PTPN6: variants seen among roughly 807,000 people sequenced by gnomAD.
PTPN6 encodes tyrosine-protein phosphatase non-receptor type 6.
Under a neutral mutation model 81.5 loss-of-function variants are expected in PTPN6, and 18 were observed. That is an observed-to-expected ratio of 0.22 (90% confidence interval 0.15 to 0.33). PTPN6 has a LOEUF of 0.33. Ranked by LOEUF, PTPN6 falls within the 10% of genes least tolerant of loss-of-function variation. PTPN6 has a pLI of 1.00. For missense variants in PTPN6, 500 were observed against 794.2 expected, an observed-to-expected ratio of 0.63 and a Z score of 4.45; for synonymous variants, 301 against 310.9, an observed-to-expected ratio of 0.97 and a Z score of 0.33.
rs1322725551 is a variant in PTPN6 at position 6,952,435 on chromosome 12, C to T, written c.326+258C>T. ...CTCGCCCTACTCCGGGAGCCCTGGC[C>T]GCTGCAACCCAGGTCCCACTGGAGA... On this transcript the variant is annotated intron_variant, in intron 3 of 15. Transcript: ENST00000318974. This position sits in a 1 kb window ranked among gnomAD's most constrained non-coding sequence, Gnocchi z 8.1. 2.7e-5 allele frequency: 15 copies of T among 557,484 alleles called. No homozygotes were observed. The highest frequency in any genetic ancestry group is 3.1e-5 in the Admixed American group (1 of 32,440). The allele number at this position is 557,484 out of a possible 1,614,324, so 34.5% of individuals were successfully genotyped here. A position where few individuals can be genotyped will look rare whatever the true frequency, so the allele number is the denominator to read the frequency against.
Position 6,954,027 on chromosome 12 carries a change from T to C in PTPN6, c.327-778T>C, listed in dbSNP as rs1945976607. Among the ~76,000 whole-genome samples, 3 of 152,208 alleles carry C rather than the reference T, an allele frequency of 2.0e-5. No individual in the cohort carries two copies. The highest frequency in any genetic ancestry group is 7.2e-5 in the African/African-American group (3 of 41,456). ...CGTGGTTTCCTGTGGGGCTGGGCTT[T>C]GTGGGGCTACAGTTTCCTCCTGGGA... On this transcript the variant is annotated intron_variant, in intron 3 of 15. Coordinates refer to ENST00000318974, the MANE Select transcript of PTPN6 (RefSeq NM_002831.6). The surrounding 1 kb of genome is among the most constrained non-coding windows in gnomAD (Gnocchi z 5.4).
upstream of PTPN6, among the ~76,000 whole-genome samples, chr12:6,948,832 C>A (rs926542255): frequency 1.3e-5 from 2 of 151,384 alleles, no homozygotes; most frequent in African/African-American, 2.4e-5. Flanking sequence ...TGAGTCCCAG[C>A]TACTAGGGAG....
Position 6,959,955 on chromosome 12 carries a change from A to G in PTPN6, c.1390A>G (p.Ile464Val). The change falls in exon 12 of 16, where the codon ATT (isoleucine) becomes GTT (valine). Residue 464 changes from isoleucine to valine, a missense_variant. Around this residue, in one of 6 missense-constraint regions of PTPN6, gnomAD observed 226 missense variants for 364.4 expected, o/e 0.62. Transcript: ENST00000318974. This position sits in a 1 kb window ranked among gnomAD's most constrained non-coding sequence, Gnocchi z 6.6. ...CGGCATCGGCCGCACAGGCACCATC[A>G]TTGTCATCGACATGCTCATGGAGAA... ...SAGIGRTGTI[I>V]VIDMLMENIS... is the part of the protein sequence containing the mutation. 6.8e-7 allele frequency: 1 copy of G among 1,465,140 alleles called. No homozygotes were observed. The highest frequency in any genetic ancestry group is 9.2e-7 in the Non-Finnish European group (1 of 1,091,198). The allele number at this position is 1,465,140 out of a possible 1,614,324, so 90.8% of individuals were successfully genotyped here.
At chr12:6,946,676 G>A, upstream of PTPN6, 1 of 1,547,482 alleles carries the variant, frequency 6.5e-7, no homozygotes, top group Non-Finnish European at 8.9e-7. Context: ...CGCTGGCTCA[G>A]CCCCGCCCCC....
At position 6,951,381 on chromosome 12, in the gene PTPN6, G is replaced by C. The variant is rs1348892976; in HGVS notation, c.-132G>C. The C allele has an allele frequency of 7.1e-6, 11 of 1,545,658 alleles. No individual in the cohort carries two copies. The highest frequency in any genetic ancestry group is 9.6e-6 in the Non-Finnish European group (11 of 1,146,174). ...AGTGGAGTGGCAGCCCCAGAACTGGGACCACCGGGGGTGGTGAGGCGGCCC... is the reference window on the plus strand; with the variant it reads ...AGTGGAGTGGCAGCCCCAGAACTGGCACCACCGGGGGTGGTGAGGCGGCCC... On this transcript the variant is annotated 5_prime_UTR_variant, in exon 1 of 16. Transcript: ENST00000318974. The surrounding 1 kb of genome is among the most constrained non-coding windows in gnomAD (Gnocchi z 7.2).
upstream of PTPN6, among the ~76,000 whole-genome samples, chr12:6,951,076 C>T (rs1398180620): frequency 5.3e-5 from 8 of 152,132 alleles, no homozygotes; most frequent in Middle Eastern, 3.2e-3. The surrounding 1 kb of genome is among the most constrained non-coding windows in gnomAD (Gnocchi z 7.2). Context: ...GGAGAGATGC[C>T]GTGGGACCGT....
At position 6,960,036 on chromosome 12, in the gene PTPN6, C is replaced by T. The variant is rs376631253; in HGVS notation, c.1429+42C>T. 1.9e-6 allele frequency: 3 copies of T among 1,612,356 alleles called. No individual in the cohort carries two copies. Among genetic ancestry groups the T allele is most frequent in the African/African-American group, 1.3e-5 (1 of 74,894 alleles). ...GGTTTGGGGGTGGGGGGTGAGCAGCCCCTCGGTGTCCGCCTATGCCTGGAC... is the reference window on the plus strand; with the variant it reads ...GGTTTGGGGGTGGGGGGTGAGCAGCTCCTCGGTGTCCGCCTATGCCTGGAC... On this transcript the variant is annotated intron_variant, in intron 12 of 15. Transcript: ENST00000318974. This position sits in a 1 kb window ranked among gnomAD's most constrained non-coding sequence, Gnocchi z 6.1.
chr12:6,959,760 TG>T lies in PTPN6; in HGVS notation c.1362-164del. The T allele has an allele frequency of 1.4e-6, 1 of 736,998 alleles. No homozygotes were observed. Among genetic ancestry groups the T allele is most frequent in the Non-Finnish European group, 2.3e-6 (1 of 426,644 alleles). 45.7% of individuals were successfully genotyped at this position (736,998 alleles called of 1,614,324 possible). On this transcript the variant is annotated intron_variant, in intron 11 of 15. Transcript: ENST00000318974. This position sits in a 1 kb window ranked among gnomAD's most constrained non-coding sequence, Gnocchi z 6.6. ...GAGGTGGAGCGTGTCCATGCAGAGC[TG>T]GGCAAACCTCCATCATCACTTGCCC...
At chr12:6,946,587 C>A, upstream of PTPN6, 4 of 726,430 alleles carry the variant, frequency 5.5e-6, no homozygotes, top group Non-Finnish European at 7.4e-6. Flanking sequence ...ATTGGCCTGG[C>A]AGGCAGGATC....
rs1324578173 is a variant in PTPN6, at chr12:6,959,915, G to A, written c.1362-12G>A. On this transcript the variant is annotated splice_polypyrimidine_tract_variant and intron_variant, in intron 11 of 15. Coordinates refer to ENST00000318974, the MANE Select transcript of PTPN6 (RefSeq NM_002831.6). This position sits in a 1 kb window ranked among gnomAD's most constrained non-coding sequence, Gnocchi z 6.6. ...TTGACTGGCCTCTGATGGCACCCCC[G>A]TCTTTCCCCAGCGCCGGCATCGGCC... 6 of 1,610,618 alleles carry A rather than the reference G, an allele frequency of 3.7e-6. No individual in the cohort carries two copies. The highest frequency in any genetic ancestry group is 3.3e-5 in the South Asian group (3 of 90,994).
Position 6,952,321 on chromosome 12 carries a change from C to T in PTPN6, c.326+144C>T. On this transcript the variant is annotated intron_variant, in intron 3 of 15. Coordinates refer to ENST00000318974, the MANE Select transcript of PTPN6 (RefSeq NM_002831.6). The surrounding 1 kb of genome is among the most constrained non-coding windows in gnomAD (Gnocchi z 8.1). ...CTGCACCAGCTGGGGCTCTCAATGT[C>T]CCTCCTCCCTGCTGTCCTGGGACCT... 1.1e-6 allele frequency: 1 copy of T among 924,070 alleles called. No homozygotes were observed. Among genetic ancestry groups the T allele is most frequent in the South Asian group, 1.4e-5 (1 of 69,280 alleles). 57.2% of individuals were successfully genotyped at this position (924,070 alleles called of 1,614,324 possible). A position where few individuals can be genotyped will look rare whatever the true frequency, so the allele number is the denominator to read the frequency against.
rs782540889 is a variant in PTPN6, at chr12:6,957,486, G to A, written c.1075-168G>A. ...GCTGGCCAGGCCTCACCACCTGTTG[G>A]TGGTTGATCTGAGACGAGAGCCCAG... On this transcript the variant is annotated intron_variant, in intron 9 of 15. Coordinates refer to ENST00000318974, the MANE Select transcript of PTPN6 (RefSeq NM_002831.6). This position sits in a 1 kb window ranked among gnomAD's most constrained non-coding sequence, Gnocchi z 6.5. 6.6e-6 allele frequency among the ~76,000 whole-genome samples: 1 copy of A among 152,360 alleles called. No homozygotes were observed. The highest frequency in any genetic ancestry group is 2.4e-5 in the African/African-American group (1 of 41,592).
Position 6,956,036 on chromosome 12 carries a change from T to A in PTPN6, c.845-106T>A. On this transcript the variant is annotated intron_variant, in intron 7 of 15. Coordinates refer to ENST00000318974, the MANE Select transcript of PTPN6 (RefSeq NM_002831.6). The surrounding 1 kb of genome is among the most constrained non-coding windows in gnomAD (Gnocchi z 4.1). ...TGCCCACAGTCCCCCGCAAGCCTCA[T>A]GGCTTCTGAGACCAGAATGGCCTGT... 2.6e-6 allele frequency: 3 copies of A among 1,172,172 alleles called. No individual in the cohort carries two copies. The highest frequency in any genetic ancestry group is 4.8e-5 in the East Asian group (2 of 41,450). The allele number at this position is 1,172,172 out of a possible 1,614,324, so 72.6% of individuals were successfully genotyped here.
Position 6,956,523 on chromosome 12 carries a change from C to T in PTPN6, c.1029C>T (p.Asn343=). The T allele has an allele frequency of 6.2e-7, 1 of 1,613,924 alleles. No individual in the cohort carries two copies. The highest frequency in any genetic ancestry group is 8.5e-7 in the Non-Finnish European group (1 of 1,180,022). The change falls in exon 9 of 16, where the codon AAC becomes AAT. Residue 343 remains asparagine (N), a synonymous_variant. Transcript: ENST00000318974. This position sits in a 1 kb window ranked among gnomAD's most constrained non-coding sequence, Gnocchi z 4.1. The part of the protein sequence containing the change: ...NDFWQMAWQE[N]SRVIVMTTRE... ...TCTGGCAGATGGCGTGGCAGGAGAACAGCCGTGTCATCGTCATGACCACCC... is the reference window on the plus strand; with the variant it reads ...TCTGGCAGATGGCGTGGCAGGAGAATAGCCGTGTCATCGTCATGACCACCC...
At position 6,960,680 on chromosome 12, in the gene PTPN6, C is replaced by T; in HGVS notation, c.1674-126C>T. The T allele has an allele frequency of 6.4e-7, 1 of 1,551,426 alleles. No homozygotes were observed. The highest frequency in any genetic ancestry group is 8.7e-7 in the Non-Finnish European group (1 of 1,146,892). ...TCCTCTAGGAGCTTGGAGTCTAGTGCAGGGACCGTGGCTGCGTCACCTGTG... is the reference window on the plus strand; with the variant it reads ...TCCTCTAGGAGCTTGGAGTCTAGTGTAGGGACCGTGGCTGCGTCACCTGTG... On this transcript the variant is annotated intron_variant, in intron 14 of 15. Transcript: ENST00000318974. This position sits in a 1 kb window ranked among gnomAD's most constrained non-coding sequence, Gnocchi z 6.1.
At position 6,960,454 on chromosome 12, in the gene PTPN6, C is replaced by A; in HGVS notation, c.1673+19C>A. ...CGTCCAAGTGAGTGGCCCTGACTGC[C>A]ACTGCCCGGCATCCACCCCTTTGTC... On this transcript the variant is annotated intron_variant, in intron 14 of 15. Coordinates refer to ENST00000318974, the MANE Select transcript of PTPN6 (RefSeq NM_002831.6). The surrounding 1 kb of genome is among the most constrained non-coding windows in gnomAD (Gnocchi z 6.1). 1 of 1,607,366 alleles carries A rather than the reference C, an allele frequency of 6.2e-7. No homozygotes were observed. The highest frequency in any genetic ancestry group is 8.5e-7 in the Non-Finnish European group (1 of 1,174,538).
Position 6,952,813 on chromosome 12 carries a change from C to A in PTPN6, c.326+636C>A. 1 of 156,720 alleles carries A rather than the reference C, an allele frequency of 6.4e-6. No individual in the cohort carries two copies. The highest frequency in any genetic ancestry group is 1.8e-4 in the South Asian group (1 of 5,660). The allele number at this position is 156,720 out of a possible 1,614,324, so 9.7% of individuals were successfully genotyped here. On this transcript the variant is annotated intron_variant, in intron 3 of 15. Coordinates refer to ENST00000318974, the MANE Select transcript of PTPN6 (RefSeq NM_002831.6). This position sits in a 1 kb window ranked among gnomAD's most constrained non-coding sequence, Gnocchi z 8.1. ...AGGCATTTCCTTCCTGTGGCCTCCC[C>A]GACTCCTCCTGTGGTCTCCCAAAGG...
In PTPN6 at chr12:6,957,898, G is replaced by C. The variant is rs1031274454; in HGVS notation, c.1207-21G>C. On this transcript the variant is annotated intron_variant, in intron 10 of 15. Transcript: ENST00000318974. The surrounding 1 kb of genome is among the most constrained non-coding windows in gnomAD (Gnocchi z 6.5). ...GTGTTCCGAGAGAGGAGGGGGCACT[G>C]ACCCTATGTCCTCGGCTTAGGGAGA... The C allele has an allele frequency of 5.6e-6, 9 of 1,614,016 alleles. No homozygotes were observed. Among genetic ancestry groups the C allele is most frequent in the African/African-American group, 1.3e-5 (1 of 75,044 alleles).
rs782631478 is a variant in PTPN6 at position 6,952,088 on chromosome 12, C to T, written c.237C>T (p.Tyr79=). The T allele has an allele frequency of 1.4e-5, 23 of 1,613,992 alleles. No homozygotes were observed. In the South Asian group the frequency reaches 2.5e-4, roughly 18 times the overall value. The part of the protein sequence containing the change: ...FATLTELVEY[Y]TQQQGVLQDR... ...CTCTGACAGAGCTGGTGGAGTACTA[C>T]ACTCAGCAGCAGGGTGTCCTGCAGG... is the stretch of plus-strand genomic sequence containing the variant. The change falls in exon 3 of 16, where the codon TAC becomes TAT. Residue 79 remains tyrosine (Y), a synonymous_variant. Transcript: ENST00000318974. The surrounding 1 kb of genome is among the most constrained non-coding windows in gnomAD (Gnocchi z 8.1).
Sources: allele counts gnomAD v4.1 joint callset (sites outside exome capture counted in the v4.1 genomes callset), GRCh38; gene constraint gnomAD v4.1.1; regional missense constraint gnomAD v4.1.1; non-coding constraint Gnocchi (gnomAD v3.1); transcripts MANE v1.5; gene names NCBI Gene and HGNC (gene_info 2026-07-23, HGNC 2026-07-21).